SLC30A6: variants seen among roughly 807,000 people sequenced by gnomAD.
SLC30A6 encodes zinc transporter 6.
Under a neutral mutation model 63.0 loss-of-function variants are expected in SLC30A6, and 55 were observed. The ratio of observed to expected loss-of-function variants is 0.87; its 90% CI spans 0.70 to 1.09. SLC30A6 has a LOEUF of 1.09. Ranked by LOEUF, SLC30A6 falls within the 50% of genes least tolerant of loss-of-function variation. SLC30A6 has a pLI of 0.00. For missense variants in SLC30A6, 587 were observed against 549.2 expected, an observed-to-expected ratio of 1.07 and a Z score of -0.69; for synonymous variants, 224 against 186.1, an observed-to-expected ratio of 1.20 and a Z score of -1.66.
At chr2:32,209,939 TA>T (rs1201165254) in intron 13 of SLC30A6, among the ~76,000 whole-genome samples, 1 of 152,232 alleles carries the variant, frequency 6.6e-6, no homozygotes, top group African/African-American at 2.4e-5. Context: ...TAAAAAAAAT[TA>T]AAAGTGCAAT....
rs1245518148 is a variant in SLC30A6, at chr2:32,197,474, T to C, written c.545+82T>C. Reference sequence around the variant, plus strand: ...CATCTATCATGGGAACTTAAATTATTCGTTGCTGAGGTTACTACGTGAATC... The same window carrying C: ...CATCTATCATGGGAACTTAAATTATCCGTTGCTGAGGTTACTACGTGAATC... On this transcript the variant is annotated intron_variant, in intron 9 of 13. Transcript: ENST00000282587. 2.8e-6 allele frequency: 4 copies of C among 1,404,008 alleles called. No homozygotes were observed. The Admixed American group carries it at 7.0e-5, about 24-fold the overall frequency. The allele number at this position is 1,404,008 out of a possible 1,614,324, so 87.0% of individuals were successfully genotyped here. A position where few individuals can be genotyped will look rare whatever the true frequency, so the allele number is the denominator to read the frequency against.
intron 5 of SLC30A6, among the ~76,000 whole-genome samples, chr2:32,188,758 A>G (rs1002981198): frequency 2.0e-5 from 3 of 152,188 alleles, no homozygotes; most frequent in African/African-American, 7.2e-5. Flanking sequence ...AATTTGATGA[A>G]TTTTAAGAAA....
chr2:32,171,616 G>C (rs889673763), intron 2 of SLC30A6, among the ~76,000 whole-genome samples: 7 of 151,834 alleles, frequency 4.6e-5, no homozygotes, highest in Non-Finnish European at 8.8e-5. Context: ...AAAGAAAAAT[G>C]GTTTTGTGGT....
At chr2:32,170,062 C>T (rs1199652148) in intron 1 of SLC30A6, among the ~76,000 whole-genome samples, 1 of 151,992 alleles carries the variant, frequency 6.6e-6, no homozygotes, top group East Asian at 1.9e-4. Context: ...TTTTTTCCCC[C>T]TTAAGGGTAT....
chr2:32,180,381 G>A (rs1452461439), intron 4 of SLC30A6, among the ~76,000 whole-genome samples: 1 of 151,546 alleles, frequency 6.6e-6, no homozygotes, highest in Non-Finnish European at 1.5e-5. Context: ...TCCAGTCTTG[G>A]GTCTTGGTGA....
In SLC30A6 at chr2:32,193,828, A is replaced by AATTACATACTGAT. The variant is rs1573336002; in HGVS notation, c.402-59_402-47dup. 11 of 1,361,580 alleles carry AATTACATACTGAT rather than the reference A, an allele frequency of 8.1e-6. No individual in the cohort carries two copies. The East Asian group carries it at 2.5e-4, about 31-fold the overall frequency. The allele number at this position is 1,361,580 out of a possible 1,614,324, so 84.3% of individuals were successfully genotyped here. ...ACCTCTTAGTCCCTCTACGTATTGA[A>AATTACATACTGAT]ATTACATACTGATAATACCAAGAAC... On this transcript the variant is annotated intron_variant, in intron 7 of 13. Coordinates refer to ENST00000282587, the MANE Select transcript of SLC30A6 (RefSeq NM_017964.5).
At chr2:32,171,169 A>G in intron 1 of SLC30A6, 118 bp from the exon 2 acceptor site, 3 of 705,104 alleles carry the variant, frequency 4.3e-6, no homozygotes, top group South Asian at 1.8e-5. Flanking sequence ...TGCTTGATGT[A>G]TATTGAGTAC....
rs564806391 is a variant in SLC30A6 at position 32,181,932 on chromosome 2, T to C, written c.219-2341T>C. On this transcript the variant is annotated intron_variant, in intron 4 of 13. Coordinates refer to ENST00000282587, the MANE Select transcript of SLC30A6 (RefSeq NM_017964.5). ...TCAATTGTATATTTCGTTTTTCTTTTCTTTTTTTTTTTTTTTTTTTGAGAC... is the reference window on the plus strand; with the variant it reads ...TCAATTGTATATTTCGTTTTTCTTTCCTTTTTTTTTTTTTTTTTTTGAGAC... 7.7e-3 allele frequency among the ~76,000 whole-genome samples: 1,122 copies of C among 146,194 alleles called. 6 individuals are homozygous for C. Among genetic ancestry groups the C allele is most frequent in the Non-Finnish European group, 0.012 (780 of 66,944 alleles).
At position 32,175,373 on chromosome 2, in the gene SLC30A6, G is replaced by C. The variant is rs756316179; in HGVS notation, c.218+12G>C. On this transcript the variant is annotated intron_variant, in intron 4 of 13. Coordinates refer to ENST00000282587, the MANE Select transcript of SLC30A6 (RefSeq NM_017964.5). ...TTTGATCTTTTTAGGTAAGTTTTTAGGAAATCTTAATGTTTTGGAGCTAAT... is the reference window on the plus strand; with the variant it reads ...TTTGATCTTTTTAGGTAAGTTTTTACGAAATCTTAATGTTTTGGAGCTAAT... 1.4e-5 allele frequency: 23 copies of C among 1,609,318 alleles called. No homozygotes were observed. The East Asian group carries it at 3.1e-4, about 22-fold the overall frequency.
chr2:32,186,072 T>C (rs1237901530), intron 5 of SLC30A6, among the ~76,000 whole-genome samples: 1 of 152,030 alleles, frequency 6.6e-6, no homozygotes, highest in African/African-American at 2.4e-5. Context: ...TTTTGCTGTG[T>C]CACCCAGGCT....
intron 10 of SLC30A6, chr2:32,203,846 C>A: frequency 1.5e-6 from 2 of 1,335,606 alleles, no homozygotes; most frequent in Non-Finnish European, 2.2e-6. Flanking sequence ...AGTGGTTGGT[C>A]AAGTGGCCAG....
Position 32,207,573 on chromosome 2 carries a change from C to T in SLC30A6, c.816+640C>T, listed in dbSNP as rs1223641682. Among the ~76,000 whole-genome samples the T allele has an allele frequency of 5.3e-5, 8 of 151,804 alleles. No individual in the cohort carries two copies. The East Asian group carries it at 5.8e-4, about 11-fold the overall frequency. On this transcript the variant is annotated intron_variant, in intron 12 of 13. Coordinates refer to ENST00000282587, the MANE Select transcript of SLC30A6 (RefSeq NM_017964.5). Reference sequence around the variant, plus strand: ...TGTATTTTTAGTGGAGACAGGGTTTCGCTGTGTTGGCCAGGCTGGTCTTGA... The same window carrying T: ...TGTATTTTTAGTGGAGACAGGGTTTTGCTGTGTTGGCCAGGCTGGTCTTGA...
At chr2:32,170,249 A>T (rs1681080036) in intron 1 of SLC30A6, among the ~76,000 whole-genome samples, 1 of 152,220 alleles carries the variant, frequency 6.6e-6, no homozygotes, top group Non-Finnish European at 1.5e-5. Context: ...AAAAATAACA[A>T]CAGAGTAAGG....
rs377607040 is a variant in SLC30A6 at position 32,174,040 on chromosome 2, A to C, written c.91-23A>C. ...TGAAATTTATCACTTCTGTACACAT[A>C]AGAGTGATTTTTATTTTCACAGTCC... is the stretch of plus-strand genomic sequence containing the variant. On this transcript the variant is annotated intron_variant, in intron 2 of 13. Transcript: ENST00000282587. 40 of 1,587,624 alleles carry C rather than the reference A, an allele frequency of 2.5e-5. No individual in the cohort carries two copies. The African/African-American group carries it at 5.0e-4, about 20-fold the overall frequency.
At chr2:32,207,004 C>T (rs1004087671) in intron 12 of SLC30A6, 71 bp downstream of exon 12, 3 of 1,197,990 alleles carry the variant, frequency 2.5e-6, no homozygotes, top group African/African-American at 3.0e-5. Flanking sequence ...ACTTTTAATA[C>T]TTTATTCAAC....
intron 13 of SLC30A6, among the ~76,000 whole-genome samples, chr2:32,218,392 G>A (rs1685885955): frequency 6.6e-6 from 1 of 152,152 alleles, no homozygotes; most frequent in Non-Finnish European, 1.5e-5. Flanking sequence ...TATCATCTTT[G>A]ATGAGTCAAT....
chr2:32,205,463 G>A (rs913183225), intron 11 of SLC30A6, among the ~76,000 whole-genome samples: 2 of 151,882 alleles, frequency 1.3e-5, no homozygotes, highest in African/African-American at 2.4e-5. Context: ...CCCTTTAACA[G>A]TACAGATTGT....
At chr2:32,191,530 C>T (rs75796125) in intron 5 of SLC30A6, among the ~76,000 whole-genome samples, 79 of 152,182 alleles carry the variant, frequency 5.2e-4, no homozygotes, top group African/African-American at 1.8e-3. Flanking sequence ...AGTTCCTGGC[C>T]TCTGGCTTAT....
chr2:32,184,841 T>C (rs1163832089), intron 5 of SLC30A6, among the ~76,000 whole-genome samples: 1 of 152,204 alleles, frequency 6.6e-6, no homozygotes. Context: ...AATGTTCACA[T>C]TAAGTTTTTT....
Sources: gnomAD v4.1 joint callset for allele counts (sites outside exome capture counted in the v4.1 genomes callset) on GRCh38, gnomAD v4.1.1 for gene constraint, MANE v1.5 for transcripts, NCBI Gene and HGNC (gene_info 2026-07-23, HGNC 2026-07-21) for gene names.